Variants in THADA observed in about 807,000 individuals in gnomAD.
THADA encodes the protein tRNA (32-2'-O)-methyltransferase regulator THADA.
In THADA, 213 loss-of-function variants were observed where a neutral mutation model predicts 219.8. The observed-to-expected ratio is 0.97, with a 90% CI of 0.87 to 1.09. THADA has a LOEUF of 1.09. Among genes scored for constraint, THADA ranks in the 50% least tolerant of loss-of-function variants. The probability of loss-of-function intolerance (pLI) is 0.00; values close to 1 mark genes in which losing one functional copy is unlikely to be tolerated. For synonymous variants in THADA, 1,018 were observed against 828.9 expected, an observed-to-expected ratio of 1.23 and a Z score of -3.92; for missense variants, 2,956 against 2,311.3, an observed-to-expected ratio of 1.28 and a Z score of -5.72.
intron 20 of THADA, among the ~76,000 whole-genome samples, chr2:43,547,226 T>G (rs1696149495): frequency 6.6e-6 from 1 of 152,276 alleles, no homozygotes; most frequent in Non-Finnish European, 1.5e-5. Flanking sequence ...TTATAGAGTT[T>G]CTGCCGAGAG....
intron 23 of THADA, among the ~76,000 whole-genome samples, chr2:43,507,517 T>A (rs1420753606): frequency 6.6e-6 from 1 of 152,136 alleles, no homozygotes; most frequent in African/African-American, 2.4e-5. Context: ...AAAGTTGATT[T>A]CTGAAGGTCA....
chr2:43,436,899 G>T (rs979785339), intron 26 of THADA, among the ~76,000 whole-genome samples: 5 of 152,146 alleles, frequency 3.3e-5, no homozygotes, highest in African/African-American at 1.2e-4. Context: ...ACCAAACACG[G>T]TGATTTGCAC....
chr2:43,293,328 G>C, intron 31 of THADA, 115 bp from the exon 32 acceptor site: 2 of 1,218,842 alleles, frequency 1.6e-6, no homozygotes, highest in Admixed American at 2.7e-5. Context: ...TCTCCCATAA[G>C]CAGATTTCAA....
intron 29 of THADA, among the ~76,000 whole-genome samples, chr2:43,397,120 C>A (rs1477238737): frequency 6.6e-6 from 1 of 151,594 alleles, no homozygotes; most frequent in Non-Finnish European, 1.5e-5. Context: ...CACACCCAGG[C>A]AGTCTGGCTC....
intron 8 of THADA, among the ~76,000 whole-genome samples, chr2:43,579,636 G>A (rs1700203842): frequency 6.6e-6 from 1 of 152,192 alleles, no homozygotes; most frequent in African/African-American, 2.4e-5. Flanking sequence ...GCAACTAAAG[G>A]TAGGCATATA....
At chr2:43,431,823 C>G (rs1161658475) in intron 26 of THADA, among the ~76,000 whole-genome samples, 3 of 54,788 alleles carry the variant, frequency 5.5e-5, no homozygotes, top group Non-Finnish European at 9.7e-5. Context: ...CGCCACCACG[C>G]CCGGATAATT....
intron 29 of THADA, among the ~76,000 whole-genome samples, chr2:43,373,224 T>C (rs867209853): frequency 6.6e-6 from 1 of 152,346 alleles, no homozygotes; most frequent in South Asian, 2.1e-4. Context: ...TTTACATGTT[T>C]ATTTAAAATA....
At chr2:43,234,137 G>C (rs542928767) in intron 36 of THADA, among the ~76,000 whole-genome samples, 2 of 152,306 alleles carry the variant, frequency 1.3e-5, no homozygotes, top group South Asian at 4.1e-4. Context: ...AGTCCTTCTA[G>C]CATCCTATGG....
At position 43,574,504 on chromosome 2, in the gene THADA, G is replaced by T; in HGVS notation, c.1561C>A (p.Gln521Lys). Residue 521 changes from glutamine to lysine, a missense_variant, in exon 11 of 38, where the codon CAG becomes AAG. Transcript: ENST00000405975. ...SQTAESSWID[Q>K]WHETWVSPLL... ...GGAGAAACCCAAGTCTCATGCCACT[G>T]GTCAATCCAAGAACTCTCAGCAGTC... The T allele has an allele frequency of 6.2e-7, 1 of 1,613,886 alleles. No homozygotes were observed. Among genetic ancestry groups the T allele is most frequent in the Non-Finnish European group, 8.5e-7 (1 of 1,179,868 alleles).
intron 29 of THADA, chr2:43,370,092 C>A (rs907414609): frequency 6.6e-6 from 1 of 152,102 alleles, no homozygotes; most frequent in Admixed American, 6.6e-5. Context: ...CCACTCAGTT[C>A]AAAAAAACTC....
intron 36 of THADA, among the ~76,000 whole-genome samples, chr2:43,269,199 A>T (rs1671859890): frequency 6.6e-6 from 1 of 152,258 alleles, no homozygotes; most frequent in Admixed American, 6.5e-5. Flanking sequence ...CAGCCGCGTC[A>T]GCACCAGATG....
intron 29 of THADA, among the ~76,000 whole-genome samples, chr2:43,344,441 T>A (rs188645384): frequency 7.9e-5 from 12 of 152,296 alleles, no homozygotes; most frequent in Admixed American, 7.8e-4. Context: ...ATCCATACTT[T>A]GCTATGGGTT....
At chr2:43,350,746 T>A (rs1573209888) in intron 29 of THADA, among the ~76,000 whole-genome samples, 1 of 152,208 alleles carries the variant, frequency 6.6e-6, no homozygotes, top group Non-Finnish European at 1.5e-5. Flanking sequence ...ACCAATCTGC[T>A]AGAGGGCCAG....
chr2:43,483,790 T>C (rs1159234607), intron 26 of THADA, among the ~76,000 whole-genome samples: 2 of 151,590 alleles, frequency 1.3e-5, no homozygotes, highest in East Asian at 1.9e-4. Context: ...CAAGAATCAC[T>C]TCATAAAAAA....
At chr2:43,350,365 T>C (rs747748726) in intron 29 of THADA, among the ~76,000 whole-genome samples, 37 of 152,140 alleles carry the variant, frequency 2.4e-4, no homozygotes, top group Non-Finnish European at 5.3e-4. Flanking sequence ...AAATGCAGAT[T>C]GTGTTTGTAT....
At chr2:43,355,224 T>C (rs1055334784) in intron 29 of THADA, among the ~76,000 whole-genome samples, 1 of 152,216 alleles carries the variant, frequency 6.6e-6, no homozygotes, top group African/African-American at 2.4e-5. Context: ...TTTGATATAC[T>C]GATTTCCTTC....
intron 35 of THADA, among the ~76,000 whole-genome samples, chr2:43,282,611 T>A (rs540518986): frequency 1.0e-3 from 152 of 152,312 alleles, no homozygotes; most frequent in African/African-American, 3.4e-3. Flanking sequence ...TCATAGCATG[T>A]TAATACGGGA....
In THADA at chr2:43,590,872, A is replaced by T. The variant is rs563532541; in HGVS notation, c.254T>A (p.Ile85Asn). 6.2e-7 allele frequency: 1 copy of T among 1,613,878 alleles called. No homozygotes were observed. The highest frequency in any genetic ancestry group is 1.1e-5 in the South Asian group (1 of 91,076). The change falls in exon 4 of 38, where the codon ATT becomes AAT. Residue 85 changes from isoleucine (I) to asparagine (N), a missense_variant. Transcript: ENST00000405975. ...ATTCTTTAGACTCAAAGAAAGATAA[A>T]TGCCTGCTAAGATATCCAAACAACT... ...IQSCLDILAG[I>N]YLSLSLKNPL... is the part of the protein sequence containing the mutation.
chr2:43,297,834 G>GC (rs1277283837), intron 31 of THADA, among the ~76,000 whole-genome samples: 5 of 99,600 alleles, frequency 5.0e-5, no homozygotes, highest in Admixed American at 1.8e-4. Context: ...GGGGGGATCA[G>GC]CCCCCCCGCC....
Sources: allele counts gnomAD v4.1 joint callset (sites outside exome capture counted in the v4.1 genomes callset), GRCh38; gene constraint gnomAD v4.1.1; transcripts MANE v1.5; gene names NCBI Gene and HGNC (gene_info 2026-07-23, HGNC 2026-07-21).